The following LIFR variants were observed in gnomAD, a reference collection of about 807,000 sequenced individuals.
LIFR encodes leukemia inhibitory factor receptor.
In LIFR, 84 loss-of-function variants were observed where a neutral mutation model predicts 122.2. That is an observed-to-expected ratio of 0.69 (90% CI 0.58 to 0.82). The LOEUF (loss-of-function observed/expected upper bound fraction) is 0.82, where lower values mean the gene tolerates loss of function less well. Among genes scored for constraint, LIFR ranks in the 40% least tolerant of loss-of-function variants. The probability of loss-of-function intolerance (pLI) is 0.00; values close to 1 mark genes in which losing one functional copy is unlikely to be tolerated. For synonymous variants in LIFR, 422 were observed against 434.7 expected (o/e 0.97, Z 0.36); for missense variants, 1,294 against 1,311.6 (o/e 0.99, Z 0.21).
chr5:38,603,724 C>A (rs1750268823), intron 2 of LIFR, among the ~76,000 whole-genome samples: 1 of 152,138 alleles, frequency 6.6e-6, no homozygotes, highest in Non-Finnish European at 1.5e-5. Flanking sequence ...AGAAAGAAAA[C>A]TTCCTAGTTT....
At chr5:38,489,317 C>A in intron 15 of LIFR, 72 bp from the exon 16 acceptor site, 1 of 1,136,440 alleles carries the variant, frequency 8.8e-7, no homozygotes, top group Non-Finnish European at 1.3e-6. Flanking sequence ...GTTTCCTGAG[C>A]TTTCTAGCCT....
chr5:38,533,898 GAATCTATCTTTTTGCCATACAAT>G (rs1352007432), intron 1 of LIFR, among the ~76,000 whole-genome samples: 2 of 152,190 alleles, frequency 1.3e-5, no homozygotes, highest in Non-Finnish European at 2.9e-5. Context: ...TTTATCTCAA[GAATCTATCTTTTTGCCATACAAT>G]AAGATGACTC....
At chr5:38,552,951 G>C (rs555576079) in intron 1 of LIFR, among the ~76,000 whole-genome samples, 1 of 152,310 alleles carries the variant, frequency 6.6e-6, no homozygotes, top group Admixed American at 6.5e-5. Flanking sequence ...ACAAGCAGAT[G>C]TGTTGCTAGC....
chr5:38,573,326 C>A (rs1270742833), intron 1 of LIFR, among the ~76,000 whole-genome samples: 1 of 152,144 alleles, frequency 6.6e-6, no homozygotes, highest in Admixed American at 6.6e-5. Flanking sequence ...GTCAGTGTGC[C>A]TTTCGATGTC....
At chr5:38,497,959 G>C (rs188343390) in intron 12 of LIFR, among the ~76,000 whole-genome samples, 2 of 151,922 alleles carry the variant, frequency 1.3e-5, no homozygotes, top group Admixed American at 6.5e-5. Context: ...CTTTTTCATA[G>C]AAATTTTTAA....
At chr5:38,546,568 T>C (rs992515244) in intron 1 of LIFR, among the ~76,000 whole-genome samples, 2 of 152,290 alleles carry the variant, frequency 1.3e-5, no homozygotes, top group South Asian at 2.1e-4. Flanking sequence ...CCTAAGAACA[T>C]GTGTTCTGGA....
chr5:38,582,325 C>G (rs1336939662), intron 1 of LIFR, among the ~76,000 whole-genome samples: 1 of 152,112 alleles, frequency 6.6e-6, no homozygotes, highest in East Asian at 1.9e-4. Flanking sequence ...GGATTGGGAA[C>G]TAATATGCAG....
In LIFR at chr5:38,535,291, G is replaced by A. The variant is rs555299538; in HGVS notation, c.-19-4625C>T. Among the ~76,000 whole-genome samples, 5 of 152,306 alleles carry A rather than the reference G, an allele frequency of 3.3e-5. No individual in the cohort carries two copies. The South Asian group carries it at 1.0e-3, about 32-fold the overall frequency. On this transcript the variant is annotated intron_variant, in intron 1 of 19. Transcript: ENST00000453190. The stretch of plus-strand genomic sequence containing the variant: ...CATCTGCACCCTCCTCAAGTCAGCA[G>A]TGATGCTCCTAGCAGGAGGTATGTT...
chr5:38,567,940 T>C (rs62355830), intron 1 of LIFR, among the ~76,000 whole-genome samples: 2,823 of 152,310 alleles, frequency 0.019, 39 homozygotes, highest in Middle Eastern at 0.051. Context: ...CTGGGTACTA[T>C]GAGTAACTGT....
upstream of LIFR, among the ~76,000 whole-genome samples, chr5:38,560,186 T>C (rs1020700709): frequency 1.3e-5 from 2 of 151,958 alleles, no homozygotes; most frequent in African/African-American, 4.8e-5. Context: ...AAAAAAAACA[T>C]TCTACAAATT....
rs1746736672 is a variant in LIFR, at chr5:38,527,227, C to A, written c.325G>T (p.Glu109Ter). Residue 109 changes from glutamate to a stop codon, truncating the protein, a stop_gained, in exon 4 of 20, where the codon GAA becomes TAA. Transcript: ENST00000453190. LOFTEE classifies it high-confidence loss of function. ...KIPALSHGDY[E>*]ITINSLHDFG... is the part of the protein sequence containing the mutation. ...TCATGTAGAGAATTTATTGTTATTT[C>A]ATAATCACCATGTGAAAGAGCTGGA... 1.9e-6 allele frequency: 3 copies of A among 1,593,648 alleles called. No individual in the cohort carries two copies. Among genetic ancestry groups the A allele is most frequent in the Admixed American group, 3.3e-5 (2 of 59,834 alleles).
At chr5:38,576,328 T>C (rs1749384117) in intron 1 of LIFR, among the ~76,000 whole-genome samples, 1 of 152,180 alleles carries the variant, frequency 6.6e-6, no homozygotes, top group Non-Finnish European at 1.5e-5. Context: ...AAATGTAACT[T>C]GGATGATTCT....
At chr5:38,596,681 A>T (rs1242132653), upstream of LIFR, among the ~76,000 whole-genome samples, 1 of 152,092 alleles carries the variant, frequency 6.6e-6, no homozygotes, top group South Asian at 2.1e-4. Flanking sequence ...AACACCCATG[A>T]CCTCTTTTTC....
intron 1 of LIFR, chr5:38,550,382 T>C (rs1375517041): frequency 1.0e-5 from 2 of 199,016 alleles, no homozygotes; most frequent in African/African-American, 2.4e-5. Context: ...AACTTAATGA[T>C]ACCAGATACC....
At chr5:38,565,503 A>C (rs1748989982) in intron 1 of LIFR, among the ~76,000 whole-genome samples, 1 of 151,948 alleles carries the variant, frequency 6.6e-6, no homozygotes, top group African/African-American at 2.4e-5. Flanking sequence ...CAGTGCCTTC[A>C]TATGTCCACA....
At chr5:38,526,976 G>A (rs1329417403) in intron 4 of LIFR, among the ~76,000 whole-genome samples, 179 bp downstream of exon 4, 1 of 152,094 alleles carries the variant, frequency 6.6e-6, no homozygotes, top group South Asian at 2.1e-4. Context: ...ATTTTGACTG[G>A]CCAGAAGAAA....
At chr5:38,575,166 A>G (rs1445639251) in intron 1 of LIFR, among the ~76,000 whole-genome samples, 1 of 152,218 alleles carries the variant, frequency 6.6e-6, no homozygotes, top group Non-Finnish European at 1.5e-5. Flanking sequence ...GTGATGTTGG[A>G]GGAAATAAGT....
intron 7 of LIFR, among the ~76,000 whole-genome samples, chr5:38,509,881 T>C (rs1745703255): frequency 6.6e-6 from 1 of 152,184 alleles, no homozygotes; most frequent in South Asian, 2.1e-4. Context: ...CATGGAATTT[T>C]AGACTGTGGG....
intron 5 of LIFR, among the ~76,000 whole-genome samples, chr5:38,513,398 T>C (rs552986401): frequency 6.6e-6 from 1 of 152,236 alleles, no homozygotes; most frequent in African/African-American, 2.4e-5. Flanking sequence ...TGAAAGTTGT[T>C]TGAAGATATG....
Sources: allele counts gnomAD v4.1 joint callset (sites outside exome capture counted in the v4.1 genomes callset), GRCh38; gene constraint gnomAD v4.1.1; transcripts MANE v1.5; gene names NCBI Gene and HGNC (gene_info 2026-07-23, HGNC 2026-07-21).